The following AKAP13 variants were observed in gnomAD, a reference collection of about 807,000 sequenced individuals.
The protein encoded by AKAP13 is A-kinase anchor protein 13.
Under a neutral mutation model 264.5 loss-of-function variants are expected in AKAP13, and 80 were observed. The ratio of observed to expected loss-of-function variants is 0.30; its 90% CI spans 0.25 to 0.36. AKAP13 has a LOEUF of 0.36. AKAP13 is among the 10% of genes least tolerant of loss of function. The probability of loss-of-function intolerance (pLI) is 1.00; values close to 1 mark genes in which losing one functional copy is unlikely to be tolerated. For synonymous variants in AKAP13, 1,380 were observed against 1,250.2 expected, an observed-to-expected ratio of 1.10 and a Z score of -2.19; for missense variants, 3,712 against 3,435.2, an observed-to-expected ratio of 1.08 and a Z score of -2.01.
intron 2 of AKAP13, among the ~76,000 whole-genome samples, chr15:85,486,097 A>G (rs1395744331): frequency 1.3e-5 from 2 of 152,218 alleles, no homozygotes; most frequent in South Asian, 2.1e-4. Flanking sequence ...AGATCCTCCT[A>G]CTGCCACTGT....
intron 17 of AKAP13, among the ~76,000 whole-genome samples, chr15:85,704,570 C>T (rs556932292): frequency 1.3e-5 from 2 of 152,174 alleles, no homozygotes; most frequent in Middle Eastern, 3.2e-3. Flanking sequence ...GAAGGCTGGA[C>T]TGTTTGTTTT....
intron 5 of AKAP13, chr15:85,555,371 A>G (rs1297765634): frequency 8.2e-7 from 1 of 1,220,104 alleles, no homozygotes; most frequent in African/African-American, 1.6e-5. Flanking sequence ...GTAAACTTGG[A>G]GCGAAACACG....
intron 4 of AKAP13, chr15:85,534,236 C>G (rs2077321662): frequency 6.5e-6 from 2 of 305,548 alleles, no homozygotes; most frequent in Non-Finnish European, 1.2e-5. Context: ...ACATGGTTTT[C>G]ATTATTGTAT....
intron 29 of AKAP13, among the ~76,000 whole-genome samples, chr15:85,728,956 A>ATAAC (rs1367533472): frequency 6.6e-6 from 1 of 152,132 alleles, no homozygotes; most frequent in African/African-American, 2.4e-5. Context: ...AGGATAGGTT[A>ATAAC]AGTGAGAATG....
At chr15:85,392,061 G>A (rs1179406722) in intron 1 of AKAP13, among the ~76,000 whole-genome samples, 2 of 151,164 alleles carry the variant, frequency 1.3e-5, no homozygotes, top group Non-Finnish European at 3.0e-5. Flanking sequence ...GGGATTACAG[G>A]CGTGAGTCAC....
chr15:85,625,400 G>A (rs2081363687), intron 8 of AKAP13, among the ~76,000 whole-genome samples: 1 of 152,196 alleles, frequency 6.6e-6, no homozygotes, highest in South Asian at 2.1e-4. Context: ...GCCAAGCCTA[G>A]TCTCAGAACT....
chr15:85,704,538 C>T (rs1270845065), intron 17 of AKAP13, among the ~76,000 whole-genome samples: 2 of 152,130 alleles, frequency 1.3e-5, no homozygotes, highest in African/African-American at 2.4e-5. Context: ...TTTGATGCCT[C>T]CTTGTAGCAA....
In AKAP13 at chr15:85,645,877, C is replaced by G. The variant is rs752569103; in HGVS notation, c.4297C>G (p.Leu1433Val). The stretch of plus-strand genomic sequence containing the variant: ...AGAGTGTACCTCAAAACAAGGTGTA[C>G]TTAAAAGAGAATCTGGGAGTGATTC... ...GRECTSKQGV[L>V]KRESGSDSDL... The change falls in exon 10 of 37, where the codon CTT (leucine) becomes GTT (valine). Residue 1433 changes from leucine to valine, a missense_variant. Coordinates refer to ENST00000394518, the MANE Select transcript of AKAP13 (RefSeq NM_007200.5). The G allele has an allele frequency of 1.4e-5, 22 of 1,611,512 alleles. No individual in the cohort carries two copies. Among genetic ancestry groups the G allele is most frequent in the Middle Eastern group, 3.3e-4 (2 of 6,072 alleles).
chr15:85,558,758 C>A (rs1330763473), intron 5 of AKAP13, among the ~76,000 whole-genome samples: 1 of 152,136 alleles, frequency 6.6e-6, no homozygotes, highest in East Asian at 1.9e-4. Context: ...TTCTCATGAT[C>A]TTCAGAAATA....
chr15:85,384,424 GT>G (rs2070448437), intron 1 of AKAP13, among the ~76,000 whole-genome samples: 1 of 152,140 alleles, frequency 6.6e-6, no homozygotes, highest in Non-Finnish European at 1.5e-5. Flanking sequence ...GTGGAAGAAA[GT>G]TTGTTTCATA....
At chr15:85,644,311 G>A (rs2082445139) in intron 9 of AKAP13, among the ~76,000 whole-genome samples, 1 of 151,156 alleles carries the variant, frequency 6.6e-6, no homozygotes, top group Admixed American at 6.6e-5. Context: ...GGCTCACTGG[G>A]CTCACTGCAG....
intron 8 of AKAP13, chr15:85,619,847 A>G (rs997430817): frequency 3.7e-6 from 5 of 1,358,012 alleles, no homozygotes; most frequent in Non-Finnish European, 2.8e-6. Context: ...TTCTACATTC[A>G]TCTTTCCAGC....
chr15:85,570,645 G>A (rs1046016292), intron 5 of AKAP13, among the ~76,000 whole-genome samples: 1 of 152,224 alleles, frequency 6.6e-6, no homozygotes, highest in African/African-American at 2.4e-5. Context: ...CTTTGTTGTA[G>A]GGAGCAGTCC....
chr15:85,590,877 A>G (rs959851379), intron 8 of AKAP13, among the ~76,000 whole-genome samples: 3 of 152,230 alleles, frequency 2.0e-5, no homozygotes, highest in African/African-American at 7.2e-5. Context: ...AGCCTGGCAC[A>G]AAATAAGTAC....
chr15:85,528,027 T>C (rs1386149834), intron 3 of AKAP13, among the ~76,000 whole-genome samples: 2 of 152,240 alleles, frequency 1.3e-5, no homozygotes, highest in Non-Finnish European at 2.9e-5. Context: ...TCCTATTGTT[T>C]CATCCTCAAA....
chr15:85,583,113 A>G, intron 7 of AKAP13: 1 of 985,446 alleles, frequency 1.0e-6, no homozygotes, highest in Non-Finnish European at 1.2e-6. Flanking sequence ...ACCACCTGTT[A>G]CCAGCTGTAG....
intron 3 of AKAP13, among the ~76,000 whole-genome samples, chr15:85,521,787 T>G (rs1567102765): frequency 6.6e-6 from 1 of 152,216 alleles, no homozygotes; most frequent in Non-Finnish European, 1.5e-5. Context: ...ATTACTGTTA[T>G]GTCGGCCACC....
At chr15:85,665,203 CAAAAAGA>C (rs2083523293) in intron 13 of AKAP13, among the ~76,000 whole-genome samples, 2 of 150,910 alleles carry the variant, frequency 1.3e-5, no homozygotes, top group South Asian at 2.1e-4. Context: ...ACTCTGTCTC[CAAAAAGA>C]AAAAAGAAAA....
At chr15:85,508,962 A>G (rs1164617706) in intron 2 of AKAP13, among the ~76,000 whole-genome samples, 2 of 152,054 alleles carry the variant, frequency 1.3e-5, no homozygotes, top group Non-Finnish European at 2.9e-5. Context: ...TCTCATCCCT[A>G]TTTCAGACAA....
Sources: gnomAD v4.1 joint callset for allele counts (sites outside exome capture counted in the v4.1 genomes callset) on GRCh38, gnomAD v4.1.1 for gene constraint, MANE v1.5 for transcripts, NCBI Gene and HGNC (gene_info 2026-07-23, HGNC 2026-07-21) for gene names.